The following ERMP1 variants were observed in gnomAD, a reference collection of about 807,000 sequenced individuals.
The protein encoded by ERMP1 is Felix-ina.
ERMP1 carries 86 observed loss-of-function variants against 92.0 expected under a neutral mutation model. That is an observed-to-expected ratio of 0.93 (90% CI 0.79 to 1.12). The LOEUF is 1.12. Among genes scored for constraint, ERMP1 ranks in the 50% most tolerant of loss-of-function variants. ERMP1 has a pLI of 0.00. For synonymous variants in ERMP1, 530 were observed against 412.8 expected (o/e 1.28, Z -3.44); for missense variants, 1,342 against 1,116.3 (o/e 1.20, Z -2.88).
At chr9:5,788,764 T>C (rs1828044613) in intron 13 of ERMP1, among the ~76,000 whole-genome samples, 1 of 151,916 alleles carries the variant, frequency 6.6e-6, no homozygotes, top group Non-Finnish European at 1.5e-5. Context: ...ACTACAAATA[T>C]ATCCATACAA....
intron 13 of ERMP1, among the ~76,000 whole-genome samples, chr9:5,795,607 G>C (rs1423973321): frequency 6.6e-6 from 1 of 151,974 alleles, no homozygotes; most frequent in Non-Finnish European, 1.5e-5. Flanking sequence ...GTGAAACCCT[G>C]TCTCTACTAA....
intron 4 of ERMP1, among the ~76,000 whole-genome samples, chr9:5,820,474 A>G (rs1829489646): frequency 2.6e-5 from 4 of 152,350 alleles, no homozygotes; most frequent in Admixed American, 2.6e-4. Context: ...CAGGGGCATG[A>G]ATATTTTCCC....
chr9:5,840,275 G>A (rs1190807497), intron 6 of ERMP1, among the ~76,000 whole-genome samples: 3 of 152,036 alleles, frequency 2.0e-5, no homozygotes, highest in African/African-American at 4.8e-5. Context: ...AAGAGAGAAC[G>A]GAAGGAAGGG....
Position 5,799,883 on chromosome 9 carries a change from T to TA in ERMP1, c.2068-876dup, listed in dbSNP as rs931964970. 4.1e-4 allele frequency among the ~76,000 whole-genome samples: 62 copies of TA among 151,620 alleles called. 2 individuals are homozygous for TA. The South Asian group carries it at 0.012, about 29-fold the overall frequency. ...ATCATGAAAAACACACTGAACCTCCTAAAAAAAAATCCGTTCTTCACTAAA... is the reference window on the plus strand; with the variant it reads ...ATCATGAAAAACACACTGAACCTCCTAAAAAAAAAATCCGTTCTTCACTAAA... On this transcript the variant is annotated intron_variant, in intron 11 of 14. Coordinates refer to ENST00000339450, the MANE Select transcript of ERMP1 (RefSeq NM_024896.3).
At position 5,799,563 on chromosome 9, in the gene ERMP1, G is replaced by A. The variant is rs557002417; in HGVS notation, c.2068-555C>T. On this transcript the variant is annotated intron_variant, in intron 11 of 14. Transcript: ENST00000339450. Reference sequence around the variant, plus strand: ...AAAACACTGCATAGGGCAGGAGCCGGCAAACTGCAGCCAACAGGGCAAACT... The same window carrying A: ...AAAACACTGCATAGGGCAGGAGCCGACAAACTGCAGCCAACAGGGCAAACT... 5.9e-5 allele frequency among the ~76,000 whole-genome samples: 9 copies of A among 152,270 alleles called. No homozygotes were observed. The East Asian group carries it at 1.7e-3, about 29-fold the overall frequency.
intron 2 of ERMP1, among the ~76,000 whole-genome samples, chr9:5,827,392 G>A (rs776484371): frequency 1.7e-4 from 26 of 152,080 alleles, no homozygotes; most frequent in African/African-American, 4.6e-4. Context: ...AAAATCTCAC[G>A]TTTTGAGAAA....
intron 13 of ERMP1, among the ~76,000 whole-genome samples, chr9:5,788,213 T>C (rs1007744844): frequency 7.2e-5 from 11 of 152,298 alleles, no homozygotes; most frequent in African/African-American, 2.6e-4. Context: ...CCGTAAATTT[T>C]TAAATCTCAG....
intron 10 of ERMP1, among the ~76,000 whole-genome samples, chr9:5,803,029 T>A (rs1478401559): frequency 3.5e-5 from 5 of 144,276 alleles, no homozygotes; most frequent in African/African-American, 1.2e-4. Flanking sequence ...CGAGACTCTG[T>A]CTCAAAAACA....
intron 6 of ERMP1, among the ~76,000 whole-genome samples, chr9:5,853,912 A>C (rs1034418278): frequency 1.3e-5 from 2 of 151,686 alleles, no homozygotes; most frequent in South Asian, 4.2e-4. Context: ...TCTTCCAGAC[A>C]GGCTTTAAAC....
chr9:5,841,311 C>T (rs1424110690), intron 6 of ERMP1, among the ~76,000 whole-genome samples: 2 of 152,166 alleles, frequency 1.3e-5, no homozygotes, highest in Non-Finnish European at 2.9e-5. Flanking sequence ...ATGGGATGAG[C>T]CTTGAAAACA....
chr9:5,824,084 A>G (rs1273353916), intron 3 of ERMP1, 83 bp from the exon 4 acceptor site: 6 of 1,011,610 alleles, frequency 5.9e-6, no homozygotes, highest in Non-Finnish European at 9.1e-6. Context: ...CAGAGAGACT[A>G]CTTTGATGAG....
intron 5 of ERMP1, among the ~76,000 whole-genome samples, chr9:5,862,872 C>A (rs570623307): frequency 1.3e-5 from 2 of 152,312 alleles, no homozygotes; most frequent in Admixed American, 6.5e-5. Flanking sequence ...GACTGTGTGA[C>A]AATCCAATAA....
At position 5,811,278 on chromosome 9, in the gene ERMP1, A is replaced by G. The variant is rs1209008069; in HGVS notation, c.1160T>C (p.Met387Thr). The change falls in exon 7 of 15, where the codon ATG becomes ACG. Residue 387 changes from methionine (M) to threonine (T), a missense_variant. Transcript: ENST00000339450. Reference sequence around the variant, plus strand: ...TCGATACTTAGAAGCAGCAGCCAGCATATCAGATGTAGCTAGATGCTTAAG... The same window carrying G: ...TCGATACTTAGAAGCAGCAGCCAGCGTATCAGATGTAGCTAGATGCTTAAG... ...AVLKHLATSD[M>T]LAAASKYRHG... 1 of 1,614,098 alleles carries G rather than the reference A, an allele frequency of 6.2e-7. No homozygotes were observed. Among genetic ancestry groups the G allele is most frequent in the African/African-American group, 1.3e-5 (1 of 75,048 alleles).
intron 1 of ERMP1, 61 bp downstream of exon 1, chr9:5,832,629 G>T (rs1053395565): frequency 7.8e-7 from 1 of 1,282,084 alleles, no homozygotes; most frequent in East Asian, 3.1e-5. Flanking sequence ...GCGGTGCCCC[G>T]GAGCCTGCGC....
At chr9:5,829,236 A>C (rs1183259315) in intron 2 of ERMP1, among the ~76,000 whole-genome samples, 1 of 151,906 alleles carries the variant, frequency 6.6e-6, no homozygotes, top group Non-Finnish European at 1.5e-5. Flanking sequence ...AAAAAAAAAA[A>C]AACACTAAAC....
At chr9:5,847,379 C>T (rs1323888132) in intron 6 of ERMP1, among the ~76,000 whole-genome samples, 2 of 152,090 alleles carry the variant, frequency 1.3e-5, no homozygotes, top group Non-Finnish European at 2.9e-5. Flanking sequence ...GCTAGGACCA[C>T]AGGGGCATGT....
intron 4 of ERMP1, among the ~76,000 whole-genome samples, chr9:5,820,263 C>G (rs913273280): frequency 1.4e-4 from 21 of 152,174 alleles, no homozygotes; most frequent in African/African-American, 4.1e-4. Context: ...CGCGTCACTG[C>G]ACTCCACTCT....
chr9:5,847,880 G>C (rs533048336), intron 6 of ERMP1, among the ~76,000 whole-genome samples: 1 of 150,240 alleles, frequency 6.7e-6, no homozygotes, highest in African/African-American at 2.5e-5. Flanking sequence ...GGGCGACAGA[G>C]CGAGACTCCG....
intron 6 of ERMP1, chr9:5,856,234 C>T (rs1830371874): frequency 7.0e-6 from 2 of 285,866 alleles, no homozygotes; most frequent in African/African-American, 2.3e-5. Flanking sequence ...AACTCTGACA[C>T]CATTAGGTGT....
Sources: gnomAD v4.1 joint callset for allele counts (sites outside exome capture counted in the v4.1 genomes callset) on GRCh38, gnomAD v4.1.1 for gene constraint, MANE v1.5 for transcripts, NCBI Gene and HGNC (gene_info 2026-07-23, HGNC 2026-07-21) for gene names.